The following RPL34 variants were observed in gnomAD, a reference collection of about 807,000 sequenced individuals.
RPL34 encodes ribosomal protein L34.
Under a neutral mutation model 16.3 loss-of-function variants are expected in RPL34, and 2 were observed. That is an observed-to-expected ratio of 0.12 (90% CI 0.05 to 0.39). The LOEUF (loss-of-function observed/expected upper bound fraction) is 0.39. Among genes scored for constraint, RPL34 ranks in the 10% least tolerant of loss-of-function variants. RPL34 has a pLI of 0.99. For missense variants in RPL34, 82 were observed against 148.8 expected, an observed-to-expected ratio of 0.55 and a Z score of 2.33; for synonymous variants, 47 against 48.5, an observed-to-expected ratio of 0.97 and a Z score of 0.13.
intron 4 of RPL34, 55 bp downstream of exon 4, chr4:108,622,673 T>C: frequency 9.0e-7 from 1 of 1,116,934 alleles, no homozygotes; most frequent in Non-Finnish European, 1.3e-6. Context: ...TGTGTTATAC[T>C]GTCTGCTGAT....
chr4:108,624,001 G>T (rs1422001167), intron 4 of RPL34, among the ~76,000 whole-genome samples: 5 of 152,202 alleles, frequency 3.3e-5, no homozygotes, highest in African/African-American at 1.2e-4. Flanking sequence ...CACATTGTGG[G>T]TGAGAAATGG....
downstream of RPL34, among the ~76,000 whole-genome samples, chr4:108,628,974 C>T (rs897480779): frequency 2.0e-5 from 3 of 152,126 alleles, no homozygotes; most frequent in Non-Finnish European, 2.9e-5. Context: ...CGCCTGCCAC[C>T]ACATCTGGCT....
intron 4 of RPL34, among the ~76,000 whole-genome samples, chr4:108,624,284 G>A (rs1560613613): frequency 6.6e-6 from 1 of 152,196 alleles, no homozygotes; most frequent in African/African-American, 2.4e-5. Context: ...AGTTGTATGT[G>A]TCTCTGATAG....
chr4:108,625,364 TTTG>T (rs1467385838), exon 5 of RPL34: 4 of 525,682 alleles, frequency 7.6e-6, no homozygotes, highest in African/African-American at 3.8e-5. Context: ...TCTTGTTTTG[TTTG>T]TTGTTTGTTT....
At position 108,625,243 on chromosome 4, in the gene RPL34, GAA is replaced by G; in HGVS notation, c.*34_*35del. ...TGAAACTTTTTTGAGTAATAAAAAT[GAA>G]AAGACGCTGTATGTATGACTTTTTT... is the stretch of plus-strand genomic sequence containing the variant. On this transcript the variant is annotated 3_prime_UTR_variant, in exon 5 of 5. Transcript: ENST00000394667. 1 of 1,356,090 alleles carries G rather than the reference GAA, an allele frequency of 7.4e-7. No homozygotes were observed. 84.0% of individuals were successfully genotyped at this position (1,356,090 alleles called of 1,614,324 possible). A position where few individuals can be genotyped will look rare whatever the true frequency, so the allele number is the denominator to read the frequency against.
downstream of RPL34, among the ~76,000 whole-genome samples, chr4:108,627,383 A>G (rs1726048763): frequency 6.6e-6 from 1 of 152,060 alleles, no homozygotes. Flanking sequence ...ACCCTGCCTA[A>G]AAAATAATTA....
downstream of RPL34, chr4:108,629,933 A>T (rs1726123722): frequency 1.3e-5 from 2 of 152,326 alleles, no homozygotes; most frequent in South Asian, 2.1e-4. Flanking sequence ...ATCCTCACAG[A>T]GTAAGATTGT....
downstream of RPL34, among the ~76,000 whole-genome samples, chr4:108,625,933 C>G (rs1039616598): frequency 6.6e-6 from 1 of 152,100 alleles, no homozygotes; most frequent in Non-Finnish European, 1.5e-5. Context: ...TGGAATGGAA[C>G]CTTTTTAAGA....
At chr4:108,629,111 C>T (rs1187943998), downstream of RPL34, among the ~76,000 whole-genome samples, 1 of 152,194 alleles carries the variant, frequency 6.6e-6, no homozygotes, top group Admixed American at 6.5e-5. Context: ...AGCCACCACG[C>T]TGGGCCACTA....
rs1441490032 is a variant in RPL34 at position 108,622,166 on chromosome 4, A to C, written c.127A>C (p.Lys43Gln). The C allele has an allele frequency of 6.2e-7, 1 of 1,613,288 alleles. No homozygotes were observed. ...LYTKKVGKAP[K>Q]SACGVCPGRL... The stretch of plus-strand genomic sequence containing the variant: ...TACCAAGAAGGTTGGGAAAGCACCA[A>C]AATCTGCATGTGGTGTGTGCCCAGG... Residue 43 changes from lysine (K) to glutamine (Q), a missense_variant, in exon 3 of 5, where the codon AAA becomes CAA. Transcript: ENST00000394667.
intron 4 of RPL34, among the ~76,000 whole-genome samples, chr4:108,623,653 G>A (rs1027577582): frequency 5.3e-5 from 8 of 152,126 alleles, no homozygotes; most frequent in East Asian, 3.9e-4. Flanking sequence ...TGATCTGTCA[G>A]CCTCGACCTC....
downstream of RPL34, among the ~76,000 whole-genome samples, chr4:108,628,475 G>A (rs1726084462): frequency 6.6e-6 from 1 of 152,122 alleles, no homozygotes; most frequent in Admixed American, 6.5e-5. Flanking sequence ...GTTTTTGAAA[G>A]GTTTGAGATG....
chr4:108,630,215 C>CA (rs1054718235), downstream of RPL34: 26 of 152,164 alleles, frequency 1.7e-4, no homozygotes, highest in African/African-American at 6.3e-4. Context: ...TAAATACTAC[C>CA]AGCACATCCC....
chr4:108,625,956 C>G (rs924579329), downstream of RPL34, among the ~76,000 whole-genome samples: 1 of 151,990 alleles, frequency 6.6e-6, no homozygotes, highest in African/African-American at 2.4e-5. Context: ...GTTTTTAAAC[C>G]CTCTGTTCTT....
chr4:108,625,203 A>C lies in RPL34; in HGVS notation c.345A>C (p.Lys115Asn), dbSNP rs1725956212. The change falls in exon 5 of 5, where the codon AAA becomes AAC. Residue 115 changes from lysine (K) to asparagine (N), a missense_variant. Coordinates refer to ENST00000394667, the MANE Select transcript of RPL34 (RefSeq NM_001319236.2). The part of the protein sequence containing the change: ...KVLKAQAQSQ[K>N]AK Reference sequence around the variant, plus strand: ...TGAAGGCACAAGCACAGAGTCAGAAAGCTAAATAAAAAAATGAAACTTTTT... The same window carrying C: ...TGAAGGCACAAGCACAGAGTCAGAACGCTAAATAAAAAAATGAAACTTTTT... 1.2e-6 allele frequency: 2 copies of C among 1,602,900 alleles called. No homozygotes were observed. The highest frequency in any genetic ancestry group is 1.7e-5 in the Admixed American group (1 of 58,898).
downstream of RPL34, among the ~76,000 whole-genome samples, chr4:108,626,260 A>G (rs1725996084): frequency 6.6e-6 from 1 of 151,578 alleles, no homozygotes; most frequent in South Asian, 2.1e-4. Context: ...CAGCCTCCCA[A>G]GTAGCTGGGA....
chr4:108,622,388 G>T, intron 3 of RPL34, 127 bp from the exon 4 acceptor site: 2 of 818,594 alleles, frequency 2.4e-6, no homozygotes, highest in Admixed American at 2.3e-5. Context: ...GCAGTGAAAT[G>T]CCTTTCAGAT....
chr4:108,622,469 A>G, intron 3 of RPL34, 46 bp from the exon 4 acceptor site: 1 of 1,469,340 alleles, frequency 6.8e-7, no homozygotes, highest in East Asian at 2.3e-5. Flanking sequence ...ATTTAGGGAA[A>G]TTTCTGTTAA....
At position 108,625,276 on chromosome 4, in the gene RPL34, C is replaced by A. The variant is rs1233490602; in HGVS notation, c.*64C>A. On this transcript the variant is annotated 3_prime_UTR_variant, in exon 5 of 5. Transcript: ENST00000394667. ...GCTGTATGTATGACTTTTTTTTTTT[C>A]TGTTGTAATGTGTTAGTATACAGAT... The A allele has an allele frequency of 1.1e-6, 1 of 881,558 alleles. No homozygotes were observed. Among genetic ancestry groups the A allele is most frequent in the Non-Finnish European group, 1.8e-6 (1 of 558,114 alleles). 54.6% of individuals were successfully genotyped at this position (881,558 alleles called of 1,614,324 possible). A position where few individuals can be genotyped will look rare whatever the true frequency, so the allele number is the denominator to read the frequency against.
Sources: allele counts gnomAD v4.1 joint callset (sites outside exome capture counted in the v4.1 genomes callset), GRCh38; gene constraint gnomAD v4.1.1; transcripts MANE v1.5; gene names NCBI Gene and HGNC (gene_info 2026-07-23, HGNC 2026-07-21).